Variants in MAGI1 observed in about 807,000 individuals in gnomAD.
MAGI1 encodes the protein membrane associated guanylate kinase, WW and PDZ domain containing 1, also known as membrane-associated guanylate kinase, WW and PDZ domain-containing protein 1.
A neutral mutation model predicts 139.9 loss-of-function variants in MAGI1; 58 were observed. That is an observed-to-expected ratio of 0.41 (90% confidence interval 0.34 to 0.52). MAGI1 has a LOEUF of 0.52. Among genes scored for constraint, MAGI1 ranks in the 20% least tolerant of loss-of-function variants. The pLI, the probability that MAGI1 is intolerant of heterozygous loss-of-function variation, is 0.12. For missense variants in MAGI1, 1,874 were observed against 1,901.6 expected (o/e 0.99, Z 0.27); for synonymous variants, 812 against 737.9 (o/e 1.10, Z -1.63).
chr3:65,384,233 C>T (rs9868329), intron 14 of MAGI1, among the ~76,000 whole-genome samples: 1,554 of 152,326 alleles, frequency 0.01, 29 homozygotes, highest in African/African-American at 0.036. Context: ...CCTAGTATTT[C>T]TGCATACAGT....
chr3:65,787,022 C>G (rs1390240), intron 1 of MAGI1, among the ~76,000 whole-genome samples: 59,027 of 151,004 alleles, frequency 0.39, 12,763 homozygotes, highest in Non-Finnish European at 0.5. Flanking sequence ...CACAAGCACA[C>G]AACATTTCAT....
intron 1 of MAGI1, among the ~76,000 whole-genome samples, chr3:65,623,628 C>T (rs17073207): frequency 0.036 from 5,551 of 152,154 alleles, 173 homozygotes; most frequent in African/African-American, 0.08. Context: ...AAAACTCATG[C>T]CTTCAAATGG....
At chr3:65,816,905 A>C (rs1213337596) in intron 1 of MAGI1, among the ~76,000 whole-genome samples, 1 of 152,200 alleles carries the variant, frequency 6.6e-6, no homozygotes, top group African/African-American at 2.4e-5. Context: ...TATCTTTGGC[A>C]CCTACTCCAG....
At chr3:65,427,203 T>C (rs887849049) in intron 12 of MAGI1, among the ~76,000 whole-genome samples, 4 of 151,978 alleles carry the variant, frequency 2.6e-5, no homozygotes, top group African/African-American at 9.7e-5. Context: ...TCTCAGCTAC[T>C]TGGGGGGCTA....
intron 1 of MAGI1, among the ~76,000 whole-genome samples, chr3:65,791,225 C>G (rs986058325): frequency 7.2e-5 from 11 of 152,160 alleles, no homozygotes; most frequent in African/African-American, 2.7e-4. Context: ...TGGTGCAGAC[C>G]CAGCCTGCGT....
chr3:65,357,168 C>T, intron 22 of MAGI1, 36 bp from the exon 23 acceptor site: 1 of 1,567,264 alleles, frequency 6.4e-7, no homozygotes, highest in Non-Finnish European at 8.6e-7. Flanking sequence ...CAGTTGGGTA[C>T]GAAGGTCCCT....
intron 2 of MAGI1, among the ~76,000 whole-genome samples, chr3:65,583,413 T>C (rs1157673582): frequency 2.6e-5 from 4 of 152,184 alleles, no homozygotes; most frequent in East Asian, 3.8e-4. Context: ...AGGATAGAGT[T>C]ACCCTGTCTC....
At chr3:65,839,511 C>T (rs935203261) in intron 1 of MAGI1, among the ~76,000 whole-genome samples, 6 of 151,792 alleles carry the variant, frequency 4.0e-5, no homozygotes, top group Admixed American at 1.3e-4. Context: ...GTGACAAAGG[C>T]GCAAACACAT....
chr3:65,785,757 T>A (rs779343282), intron 1 of MAGI1, among the ~76,000 whole-genome samples: 7 of 151,896 alleles, frequency 4.6e-5, no homozygotes, highest in African/African-American at 1.5e-4. Context: ...TCAGAAAAAA[T>A]TTCACCTACC....
At chr3:65,563,284 T>C (rs1048030941) in intron 2 of MAGI1, among the ~76,000 whole-genome samples, 3 of 152,268 alleles carry the variant, frequency 2.0e-5, no homozygotes, top group Admixed American at 6.5e-5. Context: ...CAACAGACTA[T>C]TGGACAGCTT....
chr3:65,843,270 C>T (rs1467493292), intron 1 of MAGI1, among the ~76,000 whole-genome samples: 3 of 152,098 alleles, frequency 2.0e-5, no homozygotes, highest in Admixed American at 6.5e-5. Context: ...TCAAGAGGTC[C>T]ACGGAATAAG....
intron 1 of MAGI1, among the ~76,000 whole-genome samples, chr3:65,772,250 T>A (rs1475714679): frequency 6.6e-6 from 1 of 152,180 alleles, no homozygotes; most frequent in African/African-American, 2.4e-5. Flanking sequence ...GCCCAATCCC[T>A]TCCTTGTAGG....
intron 1 of MAGI1, among the ~76,000 whole-genome samples, chr3:65,951,316 C>A (rs1321925824): frequency 1.3e-5 from 2 of 152,168 alleles, no homozygotes; most frequent in Admixed American, 1.3e-4. Context: ...TTTATTTCAT[C>A]TTCAATGATT....
chr3:65,756,983 C>T (rs1265550688), intron 1 of MAGI1, among the ~76,000 whole-genome samples: 2 of 152,184 alleles, frequency 1.3e-5, no homozygotes, highest in African/African-American at 4.8e-5. Context: ...AAATACCATA[C>T]TGAAATAATT....
chr3:65,515,321 C>T (rs1319327228), intron 2 of MAGI1, among the ~76,000 whole-genome samples: 2 of 151,910 alleles, frequency 1.3e-5, no homozygotes, highest in Admixed American at 6.5e-5. Flanking sequence ...AAAAAAGTTA[C>T]ATTTGAAGAC....
intron 1 of MAGI1, among the ~76,000 whole-genome samples, chr3:66,009,665 A>G (rs1048407921): frequency 9.2e-5 from 14 of 152,210 alleles, no homozygotes; most frequent in African/African-American, 3.4e-4. Context: ...ACAAAGCTCT[A>G]AGCATGAAAC....
At chr3:65,906,043 T>G (rs2061421508) in intron 1 of MAGI1, among the ~76,000 whole-genome samples, 2 of 152,236 alleles carry the variant, frequency 1.3e-5, no homozygotes, top group South Asian at 4.1e-4. Flanking sequence ...CTTGGTTTCT[T>G]TAACATCACT....
intron 1 of MAGI1, among the ~76,000 whole-genome samples, chr3:65,690,605 T>C (rs1443734580): frequency 6.6e-6 from 1 of 151,862 alleles, no homozygotes; most frequent in Non-Finnish European, 1.5e-5. Context: ...GCCTCTCAAA[T>C]AGCTGCCACC....
chr3:65,535,479 C>T (rs545230680), intron 2 of MAGI1, among the ~76,000 whole-genome samples: 7 of 152,120 alleles, frequency 4.6e-5, no homozygotes, highest in South Asian at 2.1e-4. Flanking sequence ...CCATTTTCTA[C>T]GAGTAAAGTT....
Sources: allele counts gnomAD v4.1 joint callset (sites outside exome capture counted in the v4.1 genomes callset), GRCh38; gene constraint gnomAD v4.1.1; transcripts MANE v1.5; gene names NCBI Gene and HGNC (gene_info 2026-07-23, HGNC 2026-07-21).